NALF1: variants seen among roughly 807,000 people sequenced by gnomAD.
NALF1 encodes the protein family with sequence similarity 155 member A.
NALF1 carries 3 observed loss-of-function variants against 48.4 expected under a neutral mutation model. The observed-to-expected ratio is 0.06, with a 90% CI of 0.03 to 0.16. The LOEUF (loss-of-function observed/expected upper bound fraction) is 0.16, where lower values mean the gene tolerates loss of function less well. Ranked by LOEUF, NALF1 falls within the 10% of genes least tolerant of loss-of-function variation. The pLI is 1.00. For missense variants in NALF1, 526 were observed against 571.5 expected (o/e 0.92, Z 0.81); for synonymous variants, 262 against 245.7 (o/e 1.07, Z -0.62).
intron 1 of NALF1, among the ~76,000 whole-genome samples, chr13:107,347,880 G>T (rs1365376870): frequency 2.0e-5 from 3 of 152,130 alleles, no homozygotes; most frequent in Admixed American, 6.5e-5. Context: ...AGATGCGTGG[G>T]TATCATGACG....
At chr13:107,300,224 T>C (rs1881812266) in intron 1 of NALF1, among the ~76,000 whole-genome samples, 1 of 152,208 alleles carries the variant, frequency 6.6e-6, no homozygotes, top group South Asian at 2.1e-4. Flanking sequence ...AAAAATACAA[T>C]ATCCAAAGTT....
chr13:107,216,448 G>C (rs1297509830), intron 1 of NALF1, among the ~76,000 whole-genome samples: 1 of 152,222 alleles, frequency 6.6e-6, no homozygotes, highest in East Asian at 1.9e-4. Context: ...TTGAGGCTGA[G>C]CTGAGTCTGT....
intron 1 of NALF1, among the ~76,000 whole-genome samples, chr13:107,226,343 C>A (rs1296666573): frequency 6.6e-6 from 1 of 152,168 alleles, no homozygotes; most frequent in South Asian, 2.1e-4. Context: ...CAGAAAATAT[C>A]TTTTACATTT....
At position 107,845,808 on chromosome 13, in the gene NALF1, T is replaced by C. The variant is rs571404114; in HGVS notation, c.915+19874A>G. Among the ~76,000 whole-genome samples, 7 of 152,236 alleles carry C rather than the reference T, an allele frequency of 4.6e-5. No homozygotes were observed. The East Asian group carries it at 1.4e-3, about 29-fold the overall frequency. ...AACAAAGTCTCATCCATCAGCTCTA[T>C]CAGTTTTAGCACCATAATACTACCC... On this transcript the variant is annotated intron_variant, in intron 1 of 2. Transcript: ENST00000375915.
intron 1 of NALF1, among the ~76,000 whole-genome samples, chr13:107,242,562 G>A (rs949619851): frequency 7.9e-5 from 12 of 152,160 alleles, no homozygotes; most frequent in African/African-American, 2.2e-4. Flanking sequence ...TGAATGATAT[G>A]TTTTGAATTA....
At chr13:107,842,108 TATA>T (rs1880059169) in intron 1 of NALF1, among the ~76,000 whole-genome samples, 1 of 152,052 alleles carries the variant, frequency 6.6e-6, no homozygotes, top group Non-Finnish European at 1.5e-5. Context: ...CCTCGATGTG[TATA>T]ATAAGGTAAA....
chr13:107,755,114 C>A (rs576561859), intron 1 of NALF1, among the ~76,000 whole-genome samples: 19 of 152,140 alleles, frequency 1.2e-4, no homozygotes, highest in African/African-American at 4.6e-4. Flanking sequence ...TTTAAAAGTA[C>A]AAAAACAATT....
intron 1 of NALF1, among the ~76,000 whole-genome samples, chr13:107,643,463 G>A (rs9587414): frequency 0.033 from 4,968 of 151,376 alleles, 95 homozygotes; most frequent in South Asian, 0.067. Context: ...GTTACAGGAA[G>A]GGCTTCCAAA....
chr13:107,598,646 T>A (rs1481161253), intron 1 of NALF1, among the ~76,000 whole-genome samples: 2 of 152,180 alleles, frequency 1.3e-5, no homozygotes, highest in Non-Finnish European at 2.9e-5. Context: ...TGGCTAAAAA[T>A]TGCAATCTAT....
chr13:107,318,365 C>T (rs1436120034), intron 1 of NALF1, among the ~76,000 whole-genome samples: 1 of 152,076 alleles, frequency 6.6e-6, no homozygotes, highest in Non-Finnish European at 1.5e-5. Context: ...CCTAACATGG[C>T]TCTTTAAGTT....
At chr13:107,414,937 C>T (rs964693916) in intron 1 of NALF1, among the ~76,000 whole-genome samples, 8 of 151,924 alleles carry the variant, frequency 5.3e-5, no homozygotes, top group African/African-American at 1.9e-4. Flanking sequence ...TGTGTTTACC[C>T]TTGCACAGTG....
chr13:107,464,502 T>C (rs1884968754), intron 1 of NALF1, among the ~76,000 whole-genome samples: 1 of 152,136 alleles, frequency 6.6e-6, no homozygotes, highest in Non-Finnish European at 1.5e-5. Context: ...ATTGTTTAAA[T>C]AAATGCAATA....
intron 2 of NALF1, among the ~76,000 whole-genome samples, chr13:107,199,911 T>C (rs570066864): frequency 3.9e-5 from 6 of 152,224 alleles, no homozygotes; most frequent in Non-Finnish European, 8.8e-5. Flanking sequence ...AGAGCATGGC[T>C]GACCTTCGCT....
chr13:107,332,187 T>A (rs1268425934), intron 1 of NALF1, among the ~76,000 whole-genome samples: 1 of 152,176 alleles, frequency 6.6e-6, no homozygotes, highest in African/African-American at 2.4e-5. Flanking sequence ...GACCCCACTT[T>A]CAAAAACATT....
rs571769034 is a variant in NALF1, at chr13:107,528,328, T to G, written c.916-317573A>C. Among the ~76,000 whole-genome samples, 198 of 152,276 alleles carry G rather than the reference T, an allele frequency of 1.3e-3. 1 individual carries two copies. Among genetic ancestry groups the G allele is most frequent in the African/African-American group, 4.7e-3 (196 of 41,562 alleles). On this transcript the variant is annotated intron_variant, in intron 1 of 2. Coordinates refer to ENST00000375915, the MANE Select transcript of NALF1 (RefSeq NM_001080396.3). ...ATAAGTAAGTTAAAACTATATATTC[T>G]GGTTAAAACAAAAGCCTATATAAAT...
At chr13:107,208,493 T>A (rs1464272648) in intron 2 of NALF1, among the ~76,000 whole-genome samples, 1 of 152,212 alleles carries the variant, frequency 6.6e-6, no homozygotes, top group African/African-American at 2.4e-5. Flanking sequence ...TATTTCAGAT[T>A]CACAAATACA....
intron 1 of NALF1, among the ~76,000 whole-genome samples, chr13:107,837,504 G>A (rs72657285): frequency 0.015 from 2,259 of 152,164 alleles, 21 homozygotes; most frequent in Admixed American, 0.024. Flanking sequence ...TTTTCCTTAC[G>A]CATCTACCTG....
chr13:107,618,769 C>T (rs938493894), intron 1 of NALF1, among the ~76,000 whole-genome samples: 5 of 151,966 alleles, frequency 3.3e-5, no homozygotes, highest in African/African-American at 7.3e-5. Flanking sequence ...TTTAGGGATA[C>T]GAGGGATATT....
intron 1 of NALF1, among the ~76,000 whole-genome samples, chr13:107,236,717 CTATCTATCTATCT>C (rs1880355128): frequency 6.7e-6 from 1 of 149,920 alleles, no homozygotes; most frequent in Admixed American, 6.7e-5. Flanking sequence ...ATCTATCTAT[CTATCTATCTATCT>C]ATCTATCATC....
Sources: gnomAD v4.1 joint callset for allele counts (sites outside exome capture counted in the v4.1 genomes callset) on GRCh38, gnomAD v4.1.1 for gene constraint, MANE v1.5 for transcripts, NCBI Gene and HGNC (gene_info 2026-07-23, HGNC 2026-07-21) for gene names.